Variants in PRDM11 observed in about 807,000 individuals in gnomAD.
PRDM11 encodes PR domain-containing protein 11.
A neutral mutation model predicts 97.8 loss-of-function variants in PRDM11; 20 were observed. The ratio of observed to expected loss-of-function variants is 0.20; its 90% confidence interval spans 0.14 to 0.30. PRDM11 has a LOEUF of 0.30. Ranked by LOEUF, PRDM11 falls within the 10% of genes least tolerant of loss-of-function variation. The pLI is 1.00. For synonymous variants in PRDM11, 599 were observed against 637.7 expected, an observed-to-expected ratio of 0.94 and a Z score of 0.91; for missense variants, 1,139 against 1,555.2, an observed-to-expected ratio of 0.73 and a Z score of 4.50.
intron 1 of PRDM11, among the ~76,000 whole-genome samples, chr11:45,099,660 A>G (rs185519261): frequency 7.5e-4 from 114 of 152,260 alleles, no homozygotes; most frequent in Middle Eastern, 3.4e-3. Flanking sequence ...CCATAATCAC[A>G]TCATGGAGAG....
At chr11:45,131,939 C>A (rs1852730861) in intron 1 of PRDM11, among the ~76,000 whole-genome samples, 1 of 152,134 alleles carries the variant, frequency 6.6e-6, no homozygotes, top group Admixed American at 6.6e-5. Context: ...CAGCCTAGTT[C>A]TTCCTTGCTT....
At position 45,219,843 on chromosome 11, in the gene PRDM11, T is replaced by G. The variant is rs1031927733; in HGVS notation, c.742+86T>G. On this transcript the variant is annotated intron_variant, in intron 6 of 7. Coordinates refer to ENST00000683152, the MANE Select transcript of PRDM11 (RefSeq NM_001384648.1). This position sits in a 1 kb window ranked among gnomAD's most constrained non-coding sequence, Gnocchi z 4.2. Reference sequence around the variant, plus strand: ...GCTTGTTTTGGAGCTTCCTGAGAAATACGGTTCCCAGCAATGGGAAGACCC... The same window carrying G: ...GCTTGTTTTGGAGCTTCCTGAGAAAGACGGTTCCCAGCAATGGGAAGACCC... 7.0e-7 allele frequency: 1 copy of G among 1,421,206 alleles called. No homozygotes were observed. Among genetic ancestry groups the G allele is most frequent in the African/African-American group, 1.4e-5 (1 of 69,948 alleles). The allele number at this position is 1,421,206 out of a possible 1,614,324, so 88.0% of individuals were successfully genotyped here.
intron 1 of PRDM11, among the ~76,000 whole-genome samples, chr11:45,097,467 A>C (rs1851901440): frequency 6.6e-6 from 1 of 152,220 alleles, no homozygotes; most frequent in Admixed American, 6.5e-5. Flanking sequence ...TCCTGTGGGA[A>C]AGCTTTCATC....
intron 6 of PRDM11, among the ~76,000 whole-genome samples, chr11:45,223,965 G>A (rs867293800): frequency 3.9e-5 from 6 of 152,316 alleles, no homozygotes; most frequent in South Asian, 2.1e-4. Context: ...ACTTATAACC[G>A]TAGAGCTTGT....
At chr11:45,213,845 C>G (rs1011680091) in intron 5 of PRDM11, 1 of 413,996 alleles carries the variant, frequency 2.4e-6, no homozygotes, top group South Asian at 1.7e-5. Context: ...TCCCAGCTCC[C>G]CTGTCAGAGG....
intron 4 of PRDM11, among the ~76,000 whole-genome samples, chr11:45,188,937 C>T (rs1246506174): frequency 6.6e-6 from 1 of 152,116 alleles, no homozygotes; most frequent in Admixed American, 6.6e-5. Flanking sequence ...GTTTTGCTCT[C>T]GTTACCCAGG....
At chr11:45,154,516 G>A (rs868457012) in intron 1 of PRDM11, among the ~76,000 whole-genome samples, 1 of 152,316 alleles carries the variant, frequency 6.6e-6, no homozygotes, top group African/African-American at 2.4e-5. Context: ...TGGAGTAGGG[G>A]TGGGGGCAGA....
chr11:45,210,966 T>C (rs1475184506), intron 5 of PRDM11, among the ~76,000 whole-genome samples: 1 of 152,192 alleles, frequency 6.6e-6, no homozygotes, highest in Non-Finnish European at 1.5e-5. Flanking sequence ...CTGAATGTAA[T>C]GAGGCCACCA....
At chr11:45,205,914 T>G (rs1464613712) in intron 5 of PRDM11, among the ~76,000 whole-genome samples, 2 of 152,058 alleles carry the variant, frequency 1.3e-5, no homozygotes, top group Non-Finnish European at 1.5e-5. Context: ...TCATTGCCGT[T>G]TGATGGGTGC....
At chr11:45,122,190 GACACACACACAGACACAC>G (rs1487506489) in intron 1 of PRDM11, among the ~76,000 whole-genome samples, 1 of 126,944 alleles carries the variant, frequency 7.9e-6, no homozygotes, top group Non-Finnish European at 1.7e-5. Context: ...GACACAGACA[GACACACACACAGACACAC>G]ACACACACAC....
intron 1 of PRDM11, among the ~76,000 whole-genome samples, chr11:45,098,848 G>A (rs1032237184): frequency 4.6e-5 from 7 of 152,174 alleles, no homozygotes; most frequent in South Asian, 2.1e-4. Flanking sequence ...GAAGGCGGGC[G>A]AAGGTGAGGC....
intron 4 of PRDM11, among the ~76,000 whole-genome samples, chr11:45,197,457 G>A (rs1853164978): frequency 6.6e-6 from 1 of 152,076 alleles, no homozygotes. Context: ...TGTATTGCAT[G>A]CTTAAAAATT....
chr11:45,134,868 C>T (rs1403453795), intron 1 of PRDM11, among the ~76,000 whole-genome samples: 1 of 151,856 alleles, frequency 6.6e-6, no homozygotes, highest in Non-Finnish European at 1.5e-5. Flanking sequence ...TAATAATTAT[C>T]AAATCCTATA....
intron 1 of PRDM11, among the ~76,000 whole-genome samples, chr11:45,134,975 AG>A (rs1390449157): frequency 6.6e-6 from 1 of 152,096 alleles, no homozygotes; most frequent in Non-Finnish European, 1.5e-5. Context: ...ATACAAAAAA[AG>A]GCATTGGTAA....
chr11:45,206,539 C>T (rs748867242), intron 5 of PRDM11, among the ~76,000 whole-genome samples: 1 of 152,186 alleles, frequency 6.6e-6, no homozygotes, highest in Non-Finnish European at 1.5e-5. Context: ...TTTAAGGCGC[C>T]GGGAGCTTTG....
intron 7 of PRDM11, 144 bp downstream of exon 7, chr11:45,224,987 G>T (rs549373630): frequency 6.6e-6 from 10 of 1,507,764 alleles, no homozygotes; most frequent in Middle Eastern, 2.4e-4. Flanking sequence ...GTGGGTGGGA[G>T]CCCAGGTCCT....
chr11:45,124,487 G>C lies in PRDM11; in HGVS notation c.96+28586G>C, dbSNP rs1237146531. Reference sequence around the variant, plus strand: ...TGATATTGGCTGTGGGTTTGTCACAGATAGCTCTCATTATTTTGAGATACG... The same window carrying C: ...TGATATTGGCTGTGGGTTTGTCACACATAGCTCTCATTATTTTGAGATACG... On this transcript the variant is annotated intron_variant, in intron 1 of 6. Coordinates refer to the PRDM11 transcript ENST00000530656. Among the ~76,000 whole-genome samples the C allele has an allele frequency of 2.6e-5, 4 of 152,194 alleles. No individual in the cohort carries two copies. The East Asian group carries it at 7.7e-4, about 29-fold the overall frequency.
chr11:45,150,531 G>A (rs1430029860), intron 1 of PRDM11, among the ~76,000 whole-genome samples: 3 of 152,154 alleles, frequency 2.0e-5, no homozygotes, highest in South Asian at 2.1e-4. Flanking sequence ...CCTGAGCTGC[G>A]GGCTGGTGGG....
At chr11:45,157,110 A>G (rs1309670812) in intron 1 of PRDM11, among the ~76,000 whole-genome samples, 1 of 152,176 alleles carries the variant, frequency 6.6e-6, no homozygotes, top group Non-Finnish European at 1.5e-5. Context: ...TTTGCGCCAC[A>G]GAAACTCTGT....
Sources: allele counts gnomAD v4.1 joint callset (sites outside exome capture counted in the v4.1 genomes callset), GRCh38; gene constraint gnomAD v4.1.1; non-coding constraint Gnocchi (gnomAD v3.1); transcripts MANE v1.5; gene names NCBI Gene and HGNC (gene_info 2026-07-23, HGNC 2026-07-21).